PPM1H: variants seen among roughly 807,000 people sequenced by gnomAD.
The protein encoded by PPM1H is protein phosphatase 1H.
In PPM1H, 27 loss-of-function variants were observed where a neutral mutation model predicts 54.9. That is an observed-to-expected ratio of 0.49 (90% CI 0.36 to 0.68). The LOEUF is 0.68. Ranked by LOEUF, PPM1H falls within the 30% of genes least tolerant of loss-of-function variation. The pLI is 0.00. For synonymous variants in PPM1H, 305 were observed against 270.8 expected, an observed-to-expected ratio of 1.13 and a Z score of -1.24; for missense variants, 596 against 667.8, an observed-to-expected ratio of 0.89 and a Z score of 1.19.
At chr12:62,672,814 T>C (rs1034515013) in intron 8 of PPM1H, among the ~76,000 whole-genome samples, 1 of 152,224 alleles carries the variant, frequency 6.6e-6, no homozygotes, top group Non-Finnish European at 1.5e-5. Context: ...ATTCAACTTC[T>C]GAAGGCCCAG....
At chr12:62,808,878 G>T (rs1208716905) in intron 2 of PPM1H, among the ~76,000 whole-genome samples, 2 of 152,140 alleles carry the variant, frequency 1.3e-5, no homozygotes, top group Non-Finnish European at 2.9e-5. Context: ...GGAGTGCTAT[G>T]AAAGCTGGAT....
intron 1 of PPM1H, among the ~76,000 whole-genome samples, chr12:62,928,541 C>G (rs927893517): frequency 6.6e-6 from 1 of 152,178 alleles, no homozygotes; most frequent in Admixed American, 6.5e-5. Context: ...ACTCTCTCCC[C>G]CTTCTCCCCC....
At position 62,644,857 on chromosome 12, in the gene PPM1H, C is replaced by G. The variant is rs189824813; in HGVS notation, c.*3632G>C. ...ATTGGATCACTTTTAGGATCAGCTTCGTTGTTCTTTGCGTAGACAATGACT... is the reference window on the plus strand; with the variant it reads ...ATTGGATCACTTTTAGGATCAGCTTGGTTGTTCTTTGCGTAGACAATGACT... On this transcript the variant is annotated 3_prime_UTR_variant, in exon 10 of 10. Transcript: ENST00000228705. 1 of 152,238 alleles carries G rather than the reference C, an allele frequency of 6.6e-6. No homozygotes were observed. The highest frequency in any genetic ancestry group is 2.4e-5 in the African/African-American group (1 of 41,460). 9.4% of individuals were successfully genotyped at this position (152,238 alleles called of 1,614,324 possible).
intron 9 of PPM1H, among the ~76,000 whole-genome samples, chr12:62,658,212 T>A (rs10784313): frequency 7.7e-5 from 10 of 130,596 alleles, no homozygotes; most frequent in Non-Finnish European, 8.0e-5. Flanking sequence ...TTTTTTTTTT[T>A]AAGTAAAAAA....
At chr12:62,703,336 A>G (rs1165503241) in intron 6 of PPM1H, among the ~76,000 whole-genome samples, 1 of 151,938 alleles carries the variant, frequency 6.6e-6, no homozygotes, top group Non-Finnish European at 1.5e-5. Flanking sequence ...AATCTAAAGA[A>G]GGTATAGCTG....
At chr12:62,657,022 C>T (rs1297793229) in intron 9 of PPM1H, among the ~76,000 whole-genome samples, 1 of 152,160 alleles carries the variant, frequency 6.6e-6, no homozygotes, top group Non-Finnish European at 1.5e-5. Flanking sequence ...CTGCTCATGC[C>T]AGCTTCTGTC....
chr12:62,882,909 C>T (rs1015646078), intron 1 of PPM1H, among the ~76,000 whole-genome samples: 9 of 152,140 alleles, frequency 5.9e-5, no homozygotes, highest in South Asian at 2.1e-4. Flanking sequence ...TGGCCACCCT[C>T]CACCCCCACC....
At chr12:62,673,715 C>CT (rs567775927) in intron 8 of PPM1H, among the ~76,000 whole-genome samples, 1,707 of 41,878 alleles carry the variant, frequency 0.041, 449 homozygotes, top group African/African-American at 0.046. Flanking sequence ...AAGAGCCACT[C>CT]TTTTTTTTTT....
chr12:62,868,053 G>A (rs749959656), intron 1 of PPM1H, among the ~76,000 whole-genome samples: 1 of 152,114 alleles, frequency 6.6e-6, no homozygotes, highest in Non-Finnish European at 1.5e-5. Flanking sequence ...ACTTCGACAA[G>A]GTTGAGAGCA....
intron 5 of PPM1H, chr12:62,721,105 G>A (rs375851213): frequency 1.3e-5 from 2 of 152,346 alleles, no homozygotes; most frequent in Admixed American, 6.5e-5. Context: ...TTCTGGCAGG[G>A]AAAAGAGTGG....
Position 62,803,603 on chromosome 12 carries a change from A to T in PPM1H, c.412-1443T>A, listed in dbSNP as rs1837302725. Among the ~76,000 whole-genome samples the T allele has an allele frequency of 4.6e-5, 7 of 152,326 alleles. No homozygotes were observed. In the South Asian group the frequency reaches 1.4e-3, roughly 32 times the overall value. On this transcript the variant is annotated intron_variant, in intron 2 of 9. Coordinates refer to ENST00000228705, the MANE Select transcript of PPM1H (RefSeq NM_020700.2). The stretch of plus-strand genomic sequence containing the variant: ...TGAAATCATAAAACTCCTAGAAAAA[A>T]ACATGGGGGAAAAAAACTCCTTGAT...
intron 4 of PPM1H, among the ~76,000 whole-genome samples, chr12:62,766,496 AAC>A (rs1476431520): frequency 6.6e-6 from 1 of 152,174 alleles, no homozygotes; most frequent in Non-Finnish European, 1.5e-5. Flanking sequence ...CCTAACAGGC[AAC>A]ACAGATACAA....
intron 2 of PPM1H, among the ~76,000 whole-genome samples, chr12:62,830,591 A>G (rs1868342709): frequency 6.6e-6 from 1 of 152,098 alleles, no homozygotes; most frequent in African/African-American, 2.4e-5. Flanking sequence ...ACTGAGGCTC[A>G]AAGAATAACC....
At chr12:62,685,941 A>C (rs1425595368) in intron 8 of PPM1H, among the ~76,000 whole-genome samples, 2 of 152,256 alleles carry the variant, frequency 1.3e-5, no homozygotes, top group African/African-American at 4.8e-5. Flanking sequence ...CAGACTAAGT[A>C]GTTAATAACA....
chr12:62,848,002 A>G (rs1869039057), intron 1 of PPM1H, among the ~76,000 whole-genome samples: 3 of 152,226 alleles, frequency 2.0e-5, no homozygotes, highest in African/African-American at 7.2e-5. Context: ...TGCCTATGGT[A>G]AGAAATGAGT....
intron 4 of PPM1H, chr12:62,755,094 G>A (rs342139): frequency 0.67 from 243,577 of 364,508 alleles, 82,204 homozygotes; most frequent in African/African-American, 0.78. Flanking sequence ...TTTGGATGGT[G>A]AGAATATCAT....
rs1442725737 is a variant in PPM1H, at chr12:62,934,528, T to C, written c.209A>G (p.Glu70Gly). Residue 70 changes from glutamate (E) to glycine (G), a missense_variant, in exon 1 of 10, where the codon GAG (glutamate) becomes GGG (glycine). Physicochemically the swap from Glu to Gly is moderately conservative, Grantham distance 98. Coordinates refer to ENST00000228705, the MANE Select transcript of PPM1H (RefSeq NM_020700.2). This position sits in a 1 kb window ranked among gnomAD's most constrained non-coding sequence, Gnocchi z 4.2. ...AGTGGCCCAGGGCAGCCGCCGAGTC[T>C]CCTTGAGGATGAGGATGGGGCGGGC... The part of the protein sequence containing the change: ...HIARPILILK[E>G]TRRLPWATGY... 6.4e-7 allele frequency: 1 copy of C among 1,550,996 alleles called. No homozygotes were observed.
At chr12:62,904,886 G>C (rs553474997) in intron 1 of PPM1H, among the ~76,000 whole-genome samples, 31 of 152,096 alleles carry the variant, frequency 2.0e-4, no homozygotes, top group Admixed American at 7.9e-4. Flanking sequence ...AAGCTTTAAA[G>C]GCCATTTTTT....
chr12:62,725,710 G>T (rs1173134958), intron 5 of PPM1H, among the ~76,000 whole-genome samples: 3 of 152,054 alleles, frequency 2.0e-5, no homozygotes, highest in African/African-American at 7.2e-5. Context: ...CTTGTGATGG[G>T]TGAGGAAATC....
Sources: gnomAD v4.1 joint callset for allele counts (sites outside exome capture counted in the v4.1 genomes callset) on GRCh38, gnomAD v4.1.1 for gene constraint, Gnocchi (gnomAD v3.1) non-coding constraint, MANE v1.5 for transcripts, NCBI Gene and HGNC (gene_info 2026-07-23, HGNC 2026-07-21) for gene names.